NTN1: variants seen among roughly 807,000 people sequenced by gnomAD.
NTN1 encodes netrin-1.
A neutral mutation model predicts 54.2 loss-of-function variants in NTN1; 11 were observed. The ratio of observed to expected loss-of-function variants is 0.20; its 90% CI spans 0.13 to 0.34. NTN1 has a LOEUF of 0.34. Ranked by LOEUF, NTN1 falls within the 10% of genes least tolerant of loss-of-function variation. The pLI is 1.00. For synonymous variants in NTN1, 371 were observed against 382.0 expected (o/e 0.97, Z 0.33); for missense variants, 740 against 893.1 (o/e 0.83, Z 2.18).
intron 2 of NTN1, among the ~76,000 whole-genome samples, chr17:9,072,407 C>G (rs1228087415): frequency 6.6e-6 from 1 of 152,132 alleles, no homozygotes; most frequent in Non-Finnish European, 1.5e-5. Flanking sequence ...TCACTTCTAC[C>G]CCTACCCCCC....
At chr17:9,061,742 C>T (rs575972374) in intron 2 of NTN1, among the ~76,000 whole-genome samples, 8 of 152,070 alleles carry the variant, frequency 5.3e-5, no homozygotes, top group Non-Finnish European at 1.2e-4. Flanking sequence ...CTCGCTCTGT[C>T]GCCCAGACCA....
intron 2 of NTN1, among the ~76,000 whole-genome samples, chr17:9,103,818 G>A (rs1157600073): frequency 2.0e-5 from 3 of 152,000 alleles, no homozygotes; most frequent in Non-Finnish European, 4.4e-5. Flanking sequence ...GGGTGCTGTG[G>A]CTCAAGCCTG....
At chr17:9,059,416 A>G (rs1358236596) in intron 2 of NTN1, among the ~76,000 whole-genome samples, 1 of 152,250 alleles carries the variant, frequency 6.6e-6, no homozygotes, top group Non-Finnish European at 1.5e-5. Context: ...GAAACAACCC[A>G]CATGTCCGTG....
At chr17:9,030,260 G>A (rs115220457) in intron 2 of NTN1, among the ~76,000 whole-genome samples, 2,521 of 152,280 alleles carry the variant, frequency 0.017, 79 homozygotes, top group African/African-American at 0.058. Context: ...GATACTCTCC[G>A]AGGAGAAAGG....
intron 2 of NTN1, among the ~76,000 whole-genome samples, chr17:9,151,872 C>T (rs1405993264): frequency 2.0e-5 from 3 of 152,110 alleles, no homozygotes; most frequent in African/African-American, 7.2e-5. Context: ...ATGCACCAAT[C>T]AGCGCTCTGT....
chr17:9,165,698 A>T lies in NTN1; in HGVS notation c.1207+2697A>T, dbSNP rs1477945766. On this transcript the variant is annotated intron_variant, in intron 3 of 6. Coordinates refer to ENST00000173229, the MANE Select transcript of NTN1 (RefSeq NM_004822.3). The surrounding 1 kb of genome is among the most constrained non-coding windows in gnomAD (Gnocchi z 4.5). ...GGGAGGAATGACAGTGTTTCAAGGA[A>T]ACTGCCATCAGATTGGTGAAGAAAG... 6.6e-6 allele frequency among the ~76,000 whole-genome samples: 1 copy of T among 152,182 alleles called. No individual in the cohort carries two copies. The highest frequency in any genetic ancestry group is 2.4e-5 in the African/African-American group (1 of 41,448).
At chr17:9,036,246 C>G (rs1275398401) in intron 2 of NTN1, among the ~76,000 whole-genome samples, 1 of 146,912 alleles carries the variant, frequency 6.8e-6, no homozygotes, top group East Asian at 1.9e-4. Context: ...GTTTTACAGG[C>G]AAAGAAACTG....
chr17:9,106,483 T>TCCTTCCTC (rs1567711923), intron 2 of NTN1, among the ~76,000 whole-genome samples: 4 of 35,140 alleles, frequency 1.1e-4, no homozygotes, highest in African/African-American at 3.7e-4. Context: ...CTTCCTTCCT[T>TCCTTCCTC]CCTTCCTTCC....
intron 3 of NTN1, chr17:9,177,152 T>C (rs1228231339): frequency 6.6e-6 from 1 of 152,236 alleles, no homozygotes; most frequent in African/African-American, 2.4e-5. Flanking sequence ...CTCAGAAAGA[T>C]TTGGAAACCC....
At chr17:9,234,968 T>TTTG (rs1555580100) in intron 6 of NTN1, among the ~76,000 whole-genome samples, 1 of 148,876 alleles carries the variant, frequency 6.7e-6, no homozygotes, top group Admixed American at 6.7e-5. Context: ...TTTTTGGTTT[T>TTTG]TTTTTTTTTT....
the NTN1 span, among the ~76,000 whole-genome samples, chr17:9,015,247 C>T: frequency 6.6e-6 from 1 of 152,092 alleles, no homozygotes; most frequent in Admixed American, 6.5e-5. Context: ...CCCATCTCTA[C>T]TAAAAATATA....
intron 5 of NTN1, among the ~76,000 whole-genome samples, chr17:9,205,861 C>A (rs1363332707): frequency 6.6e-6 from 1 of 152,260 alleles, no homozygotes; most frequent in African/African-American, 2.4e-5. Flanking sequence ...CTAATACCAC[C>A]CGAACTGCCT....
At chr17:9,197,650 ACT>A (rs1366050633) in intron 5 of NTN1, among the ~76,000 whole-genome samples, 6 of 141,560 alleles carry the variant, frequency 4.2e-5, no homozygotes, top group Middle Eastern at 3.7e-3. Context: ...ACAGAGCAAG[ACT>A]CTGTCCAAAA....
At chr17:9,080,454 T>C (rs546962055) in intron 2 of NTN1, among the ~76,000 whole-genome samples, 6 of 152,364 alleles carry the variant, frequency 3.9e-5, no homozygotes, top group Non-Finnish European at 8.8e-5. Flanking sequence ...CCAGTAGTGT[T>C]ATCTCTAACT....
In NTN1 at chr17:9,221,147, T is replaced by TGCGCC; in HGVS notation, c.1412-21_1412-20insGCGCC. 1 of 1,303,810 alleles carries TGCGCC rather than the reference T, an allele frequency of 7.7e-7. No homozygotes were observed. The highest frequency in any genetic ancestry group is 1.0e-6 in the Non-Finnish European group (1 of 952,880). 80.8% of individuals were successfully genotyped at this position (1,303,810 alleles called of 1,614,324 possible). A position where few individuals can be genotyped will look rare whatever the true frequency, so the allele number is the denominator to read the frequency against. On this transcript the variant is annotated intron_variant, in intron 5 of 6. Transcript: ENST00000173229. The surrounding 1 kb of genome is among the most constrained non-coding windows in gnomAD (Gnocchi z 4.5). Reference sequence around the variant, plus strand: ...CAGCCTAATTAGTTTTTGTCTGTGCTCCCCCCCCACCCCCCTGCAGACTGC... The same window carrying TGCGCC: ...CAGCCTAATTAGTTTTTGTCTGTGCTGCGCCCCCCCCCCACCCCCCTGCAGACTGC...
chr17:9,064,035 A>G (rs950113356), intron 2 of NTN1, among the ~76,000 whole-genome samples: 17 of 151,984 alleles, frequency 1.1e-4, no homozygotes, highest in African/African-American at 4.1e-4. Context: ...TTTTTACTAT[A>G]GCTTCTTCAA....
Position 9,073,101 on chromosome 17 carries a change from G to C in NTN1, c.1018+49710G>C, listed in dbSNP as rs2092037686. 2.0e-5 allele frequency among the ~76,000 whole-genome samples: 3 copies of C among 152,238 alleles called. No individual in the cohort carries two copies. In the South Asian group the frequency reaches 6.2e-4, roughly 32 times the overall value. ...CAGCGAGGACGAGCGGATATTGAAA[G>C]CAGCCTGGCAGCTGTGATTCACTTT... is the stretch of plus-strand genomic sequence containing the variant. On this transcript the variant is annotated intron_variant, in intron 2 of 6. Transcript: ENST00000173229.
At chr17:9,231,674 C>T (rs576812520) in intron 6 of NTN1, among the ~76,000 whole-genome samples, 21 of 149,554 alleles carry the variant, frequency 1.4e-4, no homozygotes, top group African/African-American at 4.3e-4. Flanking sequence ...GAGAAATGGG[C>T]GGTCTTTGAG....
chr17:9,034,018 A>G (rs946861633), intron 2 of NTN1, among the ~76,000 whole-genome samples: 2 of 152,208 alleles, frequency 1.3e-5, no homozygotes, highest in Admixed American at 1.3e-4. Flanking sequence ...TAAAGTGTGA[A>G]ATACCAAGAT....
Sources: gnomAD v4.1 joint callset for allele counts (sites outside exome capture counted in the v4.1 genomes callset) on GRCh38, gnomAD v4.1.1 for gene constraint, Gnocchi (gnomAD v3.1) non-coding constraint, MANE v1.5 for transcripts, NCBI Gene and HGNC (gene_info 2026-07-23, HGNC 2026-07-21) for gene names.